Variants in MGAT4C observed in about 807,000 individuals in gnomAD.
The protein encoded by MGAT4C is MGAT4 family member C.
Under a neutral mutation model 40.1 loss-of-function variants are expected in MGAT4C, and 19 were observed. That is an observed-to-expected ratio of 0.47 (90% CI 0.33 to 0.70). The LOEUF is 0.70. Among genes scored for constraint, MGAT4C ranks in the 30% least tolerant of loss-of-function variants. The probability of loss-of-function intolerance (pLI) is 0.02; values close to 1 mark genes in which losing one functional copy is unlikely to be tolerated. For missense variants in MGAT4C, 491 were observed against 563.2 expected (o/e 0.87, Z 1.30); for synonymous variants, 181 against 187.1 (o/e 0.97, Z 0.27).
At chr12:86,454,299 C>T (rs1468170444) in intron 2 of MGAT4C, among the ~76,000 whole-genome samples, 1 of 152,082 alleles carries the variant, frequency 6.6e-6, no homozygotes, top group Non-Finnish European at 1.5e-5. Flanking sequence ...ATGATCACCA[C>T]TCACTGCAGC....
At chr12:86,186,096 A>C (rs12311434) in intron 1 of MGAT4C, among the ~76,000 whole-genome samples, 2 of 152,180 alleles carry the variant, frequency 1.3e-5, no homozygotes, top group African/African-American at 4.8e-5. Context: ...AGGAGAGAGA[A>C]GGATACAGAA....
chr12:86,789,633 T>A (rs1951990390), intron 1 of MGAT4C, among the ~76,000 whole-genome samples: 1 of 152,084 alleles, frequency 6.6e-6, no homozygotes, highest in Non-Finnish European at 1.5e-5. Flanking sequence ...CTTGGCTTGA[T>A]TCTCCTTGAC....
At chr12:86,289,960 T>C (rs886373661) in intron 4 of MGAT4C, among the ~76,000 whole-genome samples, 2 of 152,172 alleles carry the variant, frequency 1.3e-5, no homozygotes, top group Admixed American at 1.3e-4. Context: ...TTAGCATCCA[T>C]GCTTTCTTTT....
At chr12:86,237,185 G>A (rs1188103587) in intron 1 of MGAT4C, among the ~76,000 whole-genome samples, 2 of 151,016 alleles carry the variant, frequency 1.3e-5, no homozygotes, top group African/African-American at 4.9e-5. Flanking sequence ...TGAACAAAAT[G>A]GCAATCTATC....
chr12:86,198,773 C>T (rs770641943), intron 1 of MGAT4C, among the ~76,000 whole-genome samples: 5 of 152,094 alleles, frequency 3.3e-5, no homozygotes, highest in Non-Finnish European at 7.4e-5. Context: ...GCTCAAAATG[C>T]CAATACATCT....
chr12:86,346,652 C>T (rs79325008), intron 3 of MGAT4C, among the ~76,000 whole-genome samples: 1,569 of 152,264 alleles, frequency 0.01, 19 homozygotes, highest in East Asian at 0.045. Context: ...AGGATAACTG[C>T]AACTTTTGTT....
intron 1 of MGAT4C, among the ~76,000 whole-genome samples, chr12:86,173,211 T>C (rs1161238662): frequency 3.3e-5 from 5 of 152,088 alleles, no homozygotes; most frequent in Non-Finnish European, 2.9e-5. Context: ...CTAAAAGTGA[T>C]TTTCATTACT....
intron 2 of MGAT4C, among the ~76,000 whole-genome samples, chr12:86,720,423 G>A (rs1190028404): frequency 1.3e-5 from 2 of 152,194 alleles, no homozygotes; most frequent in Non-Finnish European, 2.9e-5. Context: ...TAATGGGAAG[G>A]AGAGTCAAAG....
intron 1 of MGAT4C, among the ~76,000 whole-genome samples, chr12:86,760,002 C>T (rs576219693): frequency 6.6e-6 from 1 of 152,174 alleles, no homozygotes; most frequent in Non-Finnish European, 1.5e-5. Context: ...ACTGATGTTA[C>T]CACATCACCT....
upstream of MGAT4C, among the ~76,000 whole-genome samples, chr12:86,260,709 A>T (rs982086734): frequency 2.6e-5 from 4 of 152,094 alleles, no homozygotes; most frequent in African/African-American, 9.7e-5. Context: ...ATGCACCATG[A>T]CAAGGAGCAA....
At chr12:86,643,249 T>C (rs1481145973) in intron 2 of MGAT4C, among the ~76,000 whole-genome samples, 1 of 151,804 alleles carries the variant, frequency 6.6e-6, no homozygotes, top group East Asian at 1.9e-4. Context: ...CGCCATGACC[T>C]ATACACCTGC....
chr12:86,276,261 T>C (rs1023638964), intron 4 of MGAT4C, among the ~76,000 whole-genome samples: 3 of 152,182 alleles, frequency 2.0e-5, no homozygotes, highest in Non-Finnish European at 4.4e-5. Context: ...CTTTACAAGA[T>C]GAGAAATCTA....
intron 2 of MGAT4C, among the ~76,000 whole-genome samples, chr12:86,461,141 A>T (rs957431850): frequency 3.3e-5 from 5 of 152,154 alleles, no homozygotes; most frequent in Non-Finnish European, 5.9e-5. Context: ...AAACAGCATA[A>T]AATACCTACT....
intron 4 of MGAT4C, among the ~76,000 whole-genome samples, chr12:86,304,894 C>T (rs567676449): frequency 6.6e-6 from 1 of 150,634 alleles, no homozygotes; most frequent in African/African-American, 2.5e-5. Flanking sequence ...GAAGAGTTCT[C>T]CTCTACAGGT....
At chr12:86,204,807 A>C (rs1398575351) in intron 1 of MGAT4C, among the ~76,000 whole-genome samples, 1 of 152,150 alleles carries the variant, frequency 6.6e-6, no homozygotes, top group Non-Finnish European at 1.5e-5. Context: ...AAGTGTCAAC[A>C]AAATAAATAA....
intron 3 of MGAT4C, among the ~76,000 whole-genome samples, chr12:86,410,593 C>T (rs1199112797): frequency 2.6e-5 from 4 of 152,100 alleles, no homozygotes; most frequent in Admixed American, 6.6e-5. Flanking sequence ...TTCAAACACA[C>T]ATGTTTTACA....
intron 4 of MGAT4C, among the ~76,000 whole-genome samples, chr12:86,291,400 G>A (rs1224682836): frequency 6.6e-6 from 1 of 152,196 alleles, no homozygotes; most frequent in Non-Finnish European, 1.5e-5. Flanking sequence ...CATGGAGGAT[G>A]AGAAGAAATA....
chr12:86,388,750 T>C (rs1956111276), intron 3 of MGAT4C, among the ~76,000 whole-genome samples: 1 of 150,654 alleles, frequency 6.6e-6, no homozygotes, highest in South Asian at 2.1e-4. Context: ...GGTATGATCT[T>C]GGCTCACTGC....
At chr12:86,719,289 T>C (rs1490130854) in intron 2 of MGAT4C, among the ~76,000 whole-genome samples, 1 of 152,160 alleles carries the variant, frequency 6.6e-6, no homozygotes, top group African/African-American at 2.4e-5. Flanking sequence ...TCCTGTTATC[T>C]AAATGAGATC....
Sources: gnomAD v4.1 joint callset for allele counts (sites outside exome capture counted in the v4.1 genomes callset) on GRCh38, gnomAD v4.1.1 for gene constraint, MANE v1.5 for transcripts, NCBI Gene and HGNC (gene_info 2026-07-23, HGNC 2026-07-21) for gene names.